The following RNF144A variants were observed in gnomAD, a reference collection of about 807,000 sequenced individuals.
RNF144A encodes the protein ring finger protein 144A.
RNF144A carries 11 observed loss-of-function variants against 38.7 expected under a neutral mutation model. The observed-to-expected ratio is 0.28, with a 90% CI of 0.18 to 0.47. RNF144A has a LOEUF of 0.47. RNF144A is among the 20% of genes least tolerant of loss of function. The probability of loss-of-function intolerance (pLI) is 0.99; values close to 1 mark genes in which losing one functional copy is unlikely to be tolerated. For synonymous variants in RNF144A, 149 were observed against 143.9 expected (o/e 1.04, Z -0.25); for missense variants, 316 against 377.2 (o/e 0.84, Z 1.34).
chr2:6,982,101 C>T (rs993452445), intron 2 of RNF144A, among the ~76,000 whole-genome samples: 10 of 152,160 alleles, frequency 6.6e-5, no homozygotes, highest in African/African-American at 2.2e-4. Flanking sequence ...ATGATCCAGT[C>T]GCCTCCCACC....
At chr2:7,014,898 A>G (rs917301800) in intron 5 of RNF144A, 126 bp downstream of exon 5, 5 of 691,784 alleles carry the variant, frequency 7.2e-6, no homozygotes, top group African/African-American at 5.4e-5. Context: ...TTGATGTAAA[A>G]TAAACTTCTG....
rs1353286458 is a variant in RNF144A, at chr2:7,043,354, TA to T, written c.*3601del. ...AAAAGTTAGAAGTCATTTTACAAATTAAAAAAACATTTTTTTCTTGGTAGTC... is the reference window on the plus strand; with the variant it reads ...AAAAGTTAGAAGTCATTTTACAAATTAAAAAACATTTTTTTCTTGGTAGTC... On this transcript the variant is annotated 3_prime_UTR_variant, in exon 9 of 9. Transcript: ENST00000320892. The T allele has an allele frequency of 8.1e-6, 8 of 985,142 alleles. No individual in the cohort carries two copies. The highest frequency in any genetic ancestry group is 1.0e-3 in the Middle Eastern group (2 of 1,908). The allele number at this position is 985,142 out of a possible 1,614,324, so 61.0% of individuals were successfully genotyped here.
chr2:6,949,310 A>G (rs1271844967), intron 2 of RNF144A, among the ~76,000 whole-genome samples: 23 of 150,374 alleles, frequency 1.5e-4, no homozygotes, highest in Non-Finnish European at 1.2e-4. Context: ...CAGGATGGGG[A>G]AAAAAAAATC....
At chr2:6,963,401 C>G (rs1202366779) in intron 2 of RNF144A, among the ~76,000 whole-genome samples, 1 of 152,216 alleles carries the variant, frequency 6.6e-6, no homozygotes, top group Non-Finnish European at 1.5e-5. Flanking sequence ...CTCTCAGTAT[C>G]ATGTCACTTT....
In RNF144A at chr2:7,011,188, G is replaced by A. The variant is rs1027907041; in HGVS notation, c.136-3266G>A. 2.0e-5 allele frequency among the ~76,000 whole-genome samples: 3 copies of A among 152,070 alleles called. No homozygotes were observed. The East Asian group carries it at 5.8e-4, about 29-fold the overall frequency. On this transcript the variant is annotated intron_variant, in intron 3 of 8. Coordinates refer to ENST00000320892, the MANE Select transcript of RNF144A (RefSeq NM_014746.6). ...TTGAGGTTTATAACATAGTATTATG[G>A]GATACATATAGATAATAAAATGGTC...
At chr2:7,006,546 A>G (rs1670453381) in intron 3 of RNF144A, among the ~76,000 whole-genome samples, 2 of 151,898 alleles carry the variant, frequency 1.3e-5, no homozygotes, top group Admixed American at 6.6e-5. Context: ...CTCAGAGGAG[A>G]GTTGTGGCCC....
chr2:6,980,636 A>G (rs1668573335), intron 2 of RNF144A, among the ~76,000 whole-genome samples: 1 of 152,194 alleles, frequency 6.6e-6, no homozygotes, highest in Admixed American at 6.5e-5. Context: ...AGCTGCTTTC[A>G]TAGGCTGGCA....
chr2:7,031,118 G>A (rs535840334), intron 8 of RNF144A, among the ~76,000 whole-genome samples: 6 of 151,828 alleles, frequency 4.0e-5, no homozygotes, highest in South Asian at 2.1e-4. Flanking sequence ...CACTCCTGCC[G>A]TGCACCCTGG....
intron 2 of RNF144A, among the ~76,000 whole-genome samples, chr2:6,951,835 C>T (rs1435307141): frequency 1.3e-5 from 2 of 152,226 alleles, no homozygotes; most frequent in South Asian, 4.1e-4. Flanking sequence ...GATTCTTGTA[C>T]ATATACTGTA....
chr2:7,075,126 A>C, the RNF144A span, among the ~76,000 whole-genome samples: 1 of 152,190 alleles, frequency 6.6e-6, no homozygotes, highest in African/African-American at 2.4e-5. Flanking sequence ...CCTCTGCTCC[A>C]TGACATCTGC....
intron 2 of RNF144A, among the ~76,000 whole-genome samples, chr2:6,956,506 C>T (rs1472731208): frequency 6.6e-6 from 1 of 152,206 alleles, no homozygotes; most frequent in Middle Eastern, 3.2e-3. Context: ...GGGCAGTTCT[C>T]ACCAACCCAA....
At chr2:6,925,665 A>G (rs1387233005) in intron 1 of RNF144A, among the ~76,000 whole-genome samples, 1 of 152,208 alleles carries the variant, frequency 6.6e-6, no homozygotes, top group African/African-American at 2.4e-5. Context: ...CTGCATCTTC[A>G]TGTGGCTGTC....
At chr2:6,922,817 G>T (rs1172521709) in intron 1 of RNF144A, among the ~76,000 whole-genome samples, 1 of 152,106 alleles carries the variant, frequency 6.6e-6, no homozygotes, top group East Asian at 1.9e-4. Flanking sequence ...GTAGAGACGG[G>T]GTTTCACTGT....
chr2:7,049,391 G>A (rs970834278), intron 6 of RNF144A, among the ~76,000 whole-genome samples: 1 of 152,152 alleles, frequency 6.6e-6, no homozygotes, highest in African/African-American at 2.4e-5. Context: ...CAATGGTAAG[G>A]CAATGAATGA....
At chr2:7,070,973 C>T (rs1345362937), downstream of RNF144A, among the ~76,000 whole-genome samples, 1 of 147,414 alleles carries the variant, frequency 6.8e-6, no homozygotes, top group Non-Finnish European at 1.5e-5. Context: ...CTCACTCTGT[C>T]ACCCAAGTTG....
chr2:6,920,480 C>A (rs768370119), intron 1 of RNF144A, among the ~76,000 whole-genome samples: 2 of 152,190 alleles, frequency 1.3e-5, no homozygotes, highest in Non-Finnish European at 2.9e-5. Flanking sequence ...AGGATGAAGC[C>A]GTGCTCGCTG....
At chr2:6,981,753 A>G (rs1668645577) in intron 2 of RNF144A, among the ~76,000 whole-genome samples, 1 of 152,196 alleles carries the variant, frequency 6.6e-6, no homozygotes, top group Admixed American at 6.5e-5. Flanking sequence ...CCAGTTCTAA[A>G]GTTGCTTCCA....
intron 1 of RNF144A, among the ~76,000 whole-genome samples, chr2:6,936,383 A>G (rs1190473853): frequency 6.6e-6 from 1 of 152,234 alleles, no homozygotes; most frequent in Non-Finnish European, 1.5e-5. Context: ...ATACACATAC[A>G]TGCATCTATA....
At chr2:6,968,530 G>C (rs960196628) in intron 2 of RNF144A, among the ~76,000 whole-genome samples, 1 of 152,332 alleles carries the variant, frequency 6.6e-6, no homozygotes, top group East Asian at 1.9e-4. Flanking sequence ...GGCTGCAGCA[G>C]TCCTGGGGGC....
Sources: gnomAD v4.1 joint callset for allele counts (sites outside exome capture counted in the v4.1 genomes callset) on GRCh38, gnomAD v4.1.1 for gene constraint, MANE v1.5 for transcripts, NCBI Gene and HGNC (gene_info 2026-07-23, HGNC 2026-07-21) for gene names.